The following RABGAP1L variants were observed in gnomAD, a reference collection of about 807,000 sequenced individuals.
RABGAP1L encodes the protein rab GTPase-activating protein 1-like.
RABGAP1L carries 63 observed loss-of-function variants against 137.7 expected under a neutral mutation model. The observed-to-expected ratio is 0.46, with a 90% confidence interval of 0.37 to 0.56. RABGAP1L has a LOEUF of 0.56. Ranked by LOEUF, RABGAP1L falls within the 20% of genes least tolerant of loss-of-function variation. RABGAP1L has a pLI of 0.00. For missense variants in RABGAP1L, 1,095 were observed against 1,244.0 expected, an observed-to-expected ratio of 0.88 and a Z score of 1.80; for synonymous variants, 431 against 433.7, an observed-to-expected ratio of 0.99 and a Z score of 0.08.
chr1:174,304,083 C>T lies in RABGAP1L; in HGVS notation c.1324-903C>T, dbSNP rs545194298. Reference sequence around the variant, plus strand: ...GATACTCTTTATCAGGTTGAGGAAACGTGCTTGTATTACTTGTTTACTGAG... The same window carrying T: ...GATACTCTTTATCAGGTTGAGGAAATGTGCTTGTATTACTTGTTTACTGAG... On this transcript the variant is annotated intron_variant, in intron 10 of 25. Coordinates refer to ENST00000681986, the MANE Select transcript of RABGAP1L (RefSeq NM_001366446.1). Among the ~76,000 whole-genome samples the T allele has an allele frequency of 5.9e-5, 9 of 152,140 alleles. No individual in the cohort carries two copies. The South Asian group carries it at 1.2e-3, about 21-fold the overall frequency.
chr1:174,327,992 T>TATATATATATATATAC (rs1680655857), intron 11 of RABGAP1L, among the ~76,000 whole-genome samples: 3 of 57,594 alleles, frequency 5.2e-5, no homozygotes, highest in African/African-American at 1.6e-4. Context: ...CACACATATA[T>TATATATATATATATAC]ATATATATAT....
chr1:174,689,389 ACT>A (rs1678714485), intron 15 of RABGAP1L, among the ~76,000 whole-genome samples: 1 of 151,400 alleles, frequency 6.6e-6, no homozygotes, highest in African/African-American at 2.4e-5. Flanking sequence ...ATTATTCAAG[ACT>A]CTTTCTGCTG....
At chr1:174,475,655 C>A (rs1432847748) in intron 13 of RABGAP1L, among the ~76,000 whole-genome samples, 2 of 151,384 alleles carry the variant, frequency 1.3e-5, no homozygotes, top group African/African-American at 4.9e-5. Flanking sequence ...CACATACAAT[C>A]CCAGCTCTGG....
At chr1:174,468,540 G>T (rs1056796282) in intron 13 of RABGAP1L, among the ~76,000 whole-genome samples, 2 of 152,174 alleles carry the variant, frequency 1.3e-5, no homozygotes, top group Non-Finnish European at 2.9e-5. Context: ...TTATTGATAA[G>T]TAAAATTAAA....
intron 17 of RABGAP1L, among the ~76,000 whole-genome samples, chr1:174,712,167 T>C (rs776905942): frequency 6.6e-6 from 1 of 152,210 alleles, no homozygotes; most frequent in Non-Finnish European, 1.5e-5. Context: ...ATCAGCTCTC[T>C]GTAAAACAGA....
chr1:174,562,884 T>C (rs1667317355), intron 13 of RABGAP1L, among the ~76,000 whole-genome samples: 2 of 151,996 alleles, frequency 1.3e-5, no homozygotes, highest in African/African-American at 4.8e-5. Context: ...GGGATAACAT[T>C]AGGAGAAATA....
At chr1:174,629,592 G>A (rs1180415475) in intron 13 of RABGAP1L, among the ~76,000 whole-genome samples, 3 of 151,830 alleles carry the variant, frequency 2.0e-5, no homozygotes, top group East Asian at 1.9e-4. Flanking sequence ...GCACGATCTC[G>A]GCTCACTGCA....
chr1:174,925,889 G>GTTTTTTTTTTTTT (rs376200965), intron 19 of RABGAP1L, among the ~76,000 whole-genome samples: 4 of 108,082 alleles, frequency 3.7e-5, no homozygotes, highest in Admixed American at 1.1e-4. Context: ...TTTTTTTTGT[G>GTTTTTTTTTTTTT]TTTTTTTTTT....
At chr1:174,798,093 G>C (rs1688410172) in intron 18 of RABGAP1L, among the ~76,000 whole-genome samples, 1 of 151,918 alleles carries the variant, frequency 6.6e-6, no homozygotes, top group African/African-American at 2.4e-5. Flanking sequence ...GGGAATACAG[G>C]CACACACTAC....
At chr1:174,782,047 G>A (rs1336479944) in intron 18 of RABGAP1L, among the ~76,000 whole-genome samples, 4 of 152,090 alleles carry the variant, frequency 2.6e-5, no homozygotes, top group Admixed American at 6.6e-5. Flanking sequence ...TTGGCGATGC[G>A]GGCTCTTTTT....
At chr1:174,343,552 G>A (rs904598788) in intron 11 of RABGAP1L, among the ~76,000 whole-genome samples, 2 of 151,920 alleles carry the variant, frequency 1.3e-5, no homozygotes, top group African/African-American at 4.8e-5. Flanking sequence ...AATATTTATC[G>A]GGCTAATACA....
rs114662740 is a variant in RABGAP1L, at chr1:174,864,744, A to G, written c.2340+52784A>G. 2.8e-3 allele frequency among the ~76,000 whole-genome samples: 421 copies of G among 152,336 alleles called. 4 individuals carry two copies. Among genetic ancestry groups the G allele is most frequent in the African/African-American group, 8.3e-3 (347 of 41,578 alleles). ...ACCATATCAACTGTGTTTCTGTTCAACTGCCCTGAAGTAAAAACAAAATAC... is the reference window on the plus strand; with the variant it reads ...ACCATATCAACTGTGTTTCTGTTCAGCTGCCCTGAAGTAAAAACAAAATAC... On this transcript the variant is annotated intron_variant, in intron 19 of 25. Coordinates refer to ENST00000681986, the MANE Select transcript of RABGAP1L (RefSeq NM_001366446.1).
chr1:174,916,076 GTTTTTTT>G (rs372029582), intron 19 of RABGAP1L, among the ~76,000 whole-genome samples: 3 of 113,594 alleles, frequency 2.6e-5, no homozygotes, highest in Non-Finnish European at 3.7e-5. Flanking sequence ...TTTTTCTTTA[GTTTTTTT>G]TTTTTTTTTG....
At chr1:174,203,938 AT>A (rs59416325) in intron 1 of RABGAP1L, among the ~76,000 whole-genome samples, 21,652 of 136,394 alleles carry the variant, frequency 0.16, 2,496 homozygotes, top group African/African-American at 0.33. Context: ...TTGTACATTG[AT>A]TTTTTTTTTT....
At chr1:174,634,715 G>A (rs1673783200) in intron 13 of RABGAP1L, among the ~76,000 whole-genome samples, 1 of 136,124 alleles carries the variant, frequency 7.3e-6, no homozygotes, top group Non-Finnish European at 1.5e-5. Context: ...AAAAAATGAT[G>A]AGTTCATGTC....
intron 11 of RABGAP1L, among the ~76,000 whole-genome samples, chr1:174,305,695 T>C (rs1216231127): frequency 1.3e-5 from 2 of 151,862 alleles, no homozygotes; most frequent in Admixed American, 6.6e-5. Context: ...CTCAATTAAT[T>C]TTTTAAATTT....
intron 13 of RABGAP1L, among the ~76,000 whole-genome samples, chr1:174,491,657 C>T (rs781506818): frequency 9.2e-5 from 14 of 152,130 alleles, no homozygotes; most frequent in Non-Finnish European, 2.1e-4. Context: ...GACTCACCTA[C>T]GACTTAGAGT....
chr1:174,387,993 C>G (rs1208278531), intron 12 of RABGAP1L, among the ~76,000 whole-genome samples: 1 of 151,900 alleles, frequency 6.6e-6, no homozygotes, highest in African/African-American at 2.4e-5. Flanking sequence ...CGAGGATTGT[C>G]AAATATTTTT....
intron 17 of RABGAP1L, among the ~76,000 whole-genome samples, chr1:174,726,083 ATTATC>A (rs1336790559): frequency 6.6e-6 from 1 of 152,148 alleles, no homozygotes; most frequent in Non-Finnish European, 1.5e-5. Flanking sequence ...AATACCATGA[ATTATC>A]TTTATTGAGT....
Sources: allele counts gnomAD v4.1 joint callset (sites outside exome capture counted in the v4.1 genomes callset), GRCh38; gene constraint gnomAD v4.1.1; transcripts MANE v1.5; gene names NCBI Gene and HGNC (gene_info 2026-07-23, HGNC 2026-07-21).